ZNF195: variants seen among roughly 807,000 people sequenced by gnomAD.
ZNF195 encodes zinc finger protein 195, also known as hypoxia-regulated factor-1.
ZNF195 carries 11 observed loss-of-function variants against 19.5 expected under a neutral mutation model. That is an observed-to-expected ratio of 0.57 (90% CI 0.36 to 0.94). The LOEUF is 0.94. Ranked by LOEUF, ZNF195 falls within the 40% of genes least tolerant of loss-of-function variation. The pLI is 0.01. For missense variants in ZNF195, 582 were observed against 709.0 expected (o/e 0.82, Z 2.03); for synonymous variants, 214 against 248.1 (o/e 0.86, Z 1.29).
At chr11:3,373,735 C>G in intron 1 of ZNF195, 1 of 1,050,628 alleles carries the variant, frequency 9.5e-7, no homozygotes, top group South Asian at 1.5e-5. Context: ...AACAGAAAGA[C>G]CAAGAAATAC....
In ZNF195 at chr11:3,360,482, C is replaced by T. The variant is rs1848577739; in HGVS notation, c.526G>A (p.Gly176Arg). The change falls in exon 6 of 6, where the codon GGA (glycine) becomes AGA (arginine). Residue 176 changes from glycine (G) to arginine (R), a missense_variant. By Grantham distance (125) the Gly-to-Arg change is moderately radical. This residue lies in a region of ZNF195 where 407 missense variants were observed against 530.5 expected (regional missense o/e 0.77). Coordinates refer to ENST00000399602, the MANE Select transcript of ZNF195 (RefSeq NM_001130520.3). ...TATAAATTATCAAGGCCACAATTTCCATATCCTCTCAGTATTCTTTTTGGG... is the reference window on the plus strand; with the variant it reads ...TATAAATTATCAAGGCCACAATTTCTATATCCTCTCAGTATTCTTTTTGGG... ...AFPKRILRGY[G>R]NCGLDNLYLR... The T allele has an allele frequency of 1.9e-6, 3 of 1,609,656 alleles. No individual in the cohort carries two copies. The highest frequency in any genetic ancestry group is 1.1e-5 in the South Asian group (1 of 90,788).
rs180879172 is a variant in ZNF195 at position 3,374,283 on chromosome 11, T to A, written c.4-2580A>T. 3.9e-4 allele frequency among the ~76,000 whole-genome samples: 60 copies of A among 152,312 alleles called. 1 individual carries two copies. The highest frequency in any genetic ancestry group is 8.5e-4 in the Admixed American group (13 of 15,292). On this transcript the variant is annotated intron_variant, in intron 1 of 5. Transcript: ENST00000399602. ...GTTCATGGGTTGGATTTTTTAACAG[T>A]TCTGCCATTAATGGTGATGCTGCTC...
chr11:3,366,246 A>G (rs576730106), intron 3 of ZNF195, among the ~76,000 whole-genome samples: 22 of 141,296 alleles, frequency 1.6e-4, no homozygotes, highest in Admixed American at 3.7e-4. Flanking sequence ...CCTGGGCGAC[A>G]GAGCAAGACT....
At chr11:3,362,232 G>A (rs531905539) in intron 3 of ZNF195, among the ~76,000 whole-genome samples, 277 of 152,212 alleles carry the variant, frequency 1.8e-3, no homozygotes, top group Non-Finnish European at 2.7e-3. Flanking sequence ...ACAAGAAATG[G>A]TAAAAGGAGT....
chr11:3,366,082 C>A (rs1848866717), intron 3 of ZNF195, among the ~76,000 whole-genome samples: 1 of 151,110 alleles, frequency 6.6e-6, no homozygotes, highest in Non-Finnish European at 1.5e-5. Flanking sequence ...ACGGTGAAAC[C>A]CCATCTCTAC....
At chr11:3,374,083 A>G (rs1207009325) in intron 1 of ZNF195, among the ~76,000 whole-genome samples, 3 of 152,242 alleles carry the variant, frequency 2.0e-5, no homozygotes. Context: ...ACCAATAGGC[A>G]GAATCTGTGA....
Position 3,358,410 on chromosome 11 carries a change from C to T in ZNF195, c.*708G>A, listed in dbSNP as rs1053036008. 4.6e-5 allele frequency: 7 copies of T among 152,164 alleles called. No homozygotes were observed. Among genetic ancestry groups the T allele is most frequent in the African/African-American group, 1.2e-4 (5 of 41,434 alleles). The allele number at this position is 152,164 out of a possible 1,614,324, so 9.4% of individuals were successfully genotyped here. A position where few individuals can be genotyped will look rare whatever the true frequency, so the allele number is the denominator to read the frequency against. On this transcript the variant is annotated 3_prime_UTR_variant, in exon 6 of 6. Coordinates refer to ENST00000399602, the MANE Select transcript of ZNF195 (RefSeq NM_001130520.3). ...AGCCTCTCTACCAAGATTTTACTCACGCATCTTACATTTCAGTGTCTTTCA... is the reference window on the plus strand; with the variant it reads ...AGCCTCTCTACCAAGATTTTACTCATGCATCTTACATTTCAGTGTCTTTCA...
At chr11:3,377,736 T>G (rs542272119) in intron 1 of ZNF195, 2 of 1,083,110 alleles carry the variant, frequency 1.8e-6, no homozygotes, top group African/African-American at 3.3e-5. Context: ...GGGCCTGAAA[T>G]TCACTAGATG....
At position 3,360,059 on chromosome 11, in the gene ZNF195, T is replaced by C. The variant is rs756394591; in HGVS notation, c.949A>G (p.Lys317Glu). 5 of 1,614,156 alleles carry C rather than the reference T, an allele frequency of 3.1e-6. No homozygotes were observed. Among genetic ancestry groups the C allele is most frequent in the Middle Eastern group, 3.3e-4 (2 of 6,062 alleles). ...TCCCCTCCGGCATAAATTCTATTTTTAGTAAGGACTGAGCAAGTTTTAATG... is the reference window on the plus strand; with the variant it reads ...TCCCCTCCGGCATAAATTCTATTTTCAGTAAGGACTGAGCAAGTTTTAATG... ...NVIKTCSVLT[K>E]NRIYAGGEHY... is the part of the protein sequence containing the mutation. Residue 317 changes from lysine (K) to glutamate (E), a missense_variant, in exon 6 of 6, where the codon AAA (lysine) becomes GAA (glutamate). Lys to Glu is a moderately conservative substitution (Grantham distance 56). Around this residue, in one of 3 missense-constraint regions of ZNF195, gnomAD observed 407 missense variants for 530.5 expected, o/e 0.77. Transcript: ENST00000399602.
chr11:3,361,500 T>C (rs1335485869), intron 4 of ZNF195, among the ~76,000 whole-genome samples: 1 of 151,500 alleles, frequency 6.6e-6, no homozygotes, highest in Non-Finnish European at 1.5e-5. Context: ...AAAATAAGGA[T>C]ACCAATAAAA....
At chr11:3,373,846 G>A (rs1849330157) in intron 1 of ZNF195, among the ~76,000 whole-genome samples, 1 of 152,174 alleles carries the variant, frequency 6.6e-6, no homozygotes, top group South Asian at 2.1e-4. Context: ...CTGCTCTCAG[G>A]TTCCCTCTCC....
At chr11:3,369,560 A>C in intron 3 of ZNF195, 1 of 436,164 alleles carries the variant, frequency 2.3e-6, no homozygotes, top group South Asian at 1.6e-5. Context: ...TCAGCCATAA[A>C]AAAGGAATGA....
chr11:3,362,059 CA>C, intron 3 of ZNF195, 170 bp from the exon 4 acceptor site: 18 of 436,944 alleles, frequency 4.1e-5, no homozygotes, highest in East Asian at 7.2e-5. Context: ...ATCCCTGTCT[CA>C]AAAAAAGTAC....
intron 3 of ZNF195, among the ~76,000 whole-genome samples, chr11:3,366,116 G>A (rs1303328601): frequency 9.3e-5 from 14 of 150,872 alleles, no homozygotes; most frequent in Non-Finnish European, 1.5e-4. Context: ...TACAAAAAAT[G>A]AGCCGGGCGT....
chr11:3,371,307 G>C (rs1329789407), intron 2 of ZNF195, among the ~76,000 whole-genome samples: 1 of 151,926 alleles, frequency 6.6e-6, no homozygotes, highest in Non-Finnish European at 1.5e-5. Context: ...TTTAAGTTGT[G>C]GGCAACAATA....
chr11:3,378,621 C>CA, intron 1 of ZNF195, among the ~76,000 whole-genome samples: 1 of 152,286 alleles, frequency 6.6e-6, no homozygotes, highest in East Asian at 1.9e-4. Context: ...CCTCCAAACC[C>CA]AAAAAACATG....
At chr11:3,373,164 T>C (rs1323998358) in intron 1 of ZNF195, among the ~76,000 whole-genome samples, 3 of 152,260 alleles carry the variant, frequency 2.0e-5, no homozygotes, top group Non-Finnish European at 4.4e-5. Context: ...TAAATGTTTA[T>C]TTTCTTAGTC....
At chr11:3,370,058 T>C (rs1332439837) in intron 3 of ZNF195, among the ~76,000 whole-genome samples, 2 of 152,168 alleles carry the variant, frequency 1.3e-5, no homozygotes, top group African/African-American at 4.8e-5. Flanking sequence ...TATATGTGTG[T>C]GTATATATAC....
intron 3 of ZNF195, chr11:3,369,396 T>G (rs1187341183): frequency 2.5e-6 from 1 of 397,514 alleles, no homozygotes; most frequent in Non-Finnish European, 5.2e-6. Context: ...ATATAATAAC[T>G]GAAGGGAATA....
Sources: allele counts gnomAD v4.1 joint callset (sites outside exome capture counted in the v4.1 genomes callset), GRCh38; gene constraint gnomAD v4.1.1; regional missense constraint gnomAD v4.1.1; transcripts MANE v1.5; gene names NCBI Gene and HGNC (gene_info 2026-07-23, HGNC 2026-07-21).